The following CCDC47 variants were observed in gnomAD, a reference collection of about 807,000 sequenced individuals.
The protein encoded by CCDC47 is PAT complex subunit CCDC47.
Under a neutral mutation model 60.5 loss-of-function variants are expected in CCDC47, and 41 were observed. The observed-to-expected ratio is 0.68, with a 90% CI of 0.53 to 0.88. The LOEUF is 0.88. Among genes scored for constraint, CCDC47 ranks in the 40% least tolerant of loss-of-function variants. The pLI is 0.00. For missense variants in CCDC47, 513 were observed against 580.9 expected, an observed-to-expected ratio of 0.88 and a Z score of 1.20; for synonymous variants, 195 against 190.7, an observed-to-expected ratio of 1.02 and a Z score of -0.18.
At chr17:63,751,799 A>AGTGTTTT (rs2144471641) in intron 12 of CCDC47, 141 bp downstream of exon 12, 1 of 892,020 alleles carries the variant, frequency 1.1e-6, no homozygotes, top group Non-Finnish European at 1.9e-6. Context: ...TCTTCTTTAT[A>AGTGTTTT]GTGTTATCAA....
At chr17:63,766,818 C>CT (rs1181769857) in intron 1 of CCDC47, 33 of 978,122 alleles carry the variant, frequency 3.4e-5, no homozygotes, top group Admixed American at 1.2e-4. Flanking sequence ...TATTAAAAAG[C>CT]TTTCTATAGA....
intron 6 of CCDC47, among the ~76,000 whole-genome samples, chr17:63,760,080 A>T (rs2039246224): frequency 6.6e-6 from 1 of 151,392 alleles, no homozygotes; most frequent in African/African-American, 2.4e-5. Flanking sequence ...AAAAAAAAAA[A>T]AGAAACAATG....
intron 6 of CCDC47, among the ~76,000 whole-genome samples, chr17:63,759,514 T>C (rs376861734): frequency 8.7e-5 from 1 of 11,462 alleles, no homozygotes; most frequent in African/African-American, 7.3e-4. Flanking sequence ...AAAAAATATA[T>C]ATATATATAT....
chr17:63,762,755 A>G (rs995338333), intron 4 of CCDC47, among the ~76,000 whole-genome samples: 4 of 152,202 alleles, frequency 2.6e-5, no homozygotes, highest in African/African-American at 9.6e-5. Context: ...TCAATTTCTA[A>G]AAGATGAATT....
intron 12 of CCDC47, 32 bp downstream of exon 12, chr17:63,751,908 G>C (rs772046967): frequency 6.2e-7 from 1 of 1,610,676 alleles, no homozygotes; most frequent in South Asian, 1.1e-5. Context: ...CTTACAAATC[G>C]TAGTTTTACC....
At chr17:63,767,984 A>G (rs1598312107) in intron 1 of CCDC47, among the ~76,000 whole-genome samples, 1 of 151,964 alleles carries the variant, frequency 6.6e-6, no homozygotes, top group South Asian at 2.1e-4. Flanking sequence ...AGTTACCCCC[A>G]CCTGCTGAAG....
chr17:63,769,613 C>CAAAA (rs60378449), intron 1 of CCDC47, among the ~76,000 whole-genome samples: 1 of 99,082 alleles, frequency 1.0e-5, no homozygotes, highest in Non-Finnish European at 2.2e-5. Context: ...AACTCCATCT[C>CAAAA]AAAAAAAAAA....
At chr17:63,761,086 C>T (rs1286552275) in intron 5 of CCDC47, 107 bp from the exon 6 acceptor site, 1 of 1,381,734 alleles carries the variant, frequency 7.2e-7, no homozygotes, top group African/African-American at 1.4e-5. Context: ...CTTTACGACA[C>T]ATTTGCCAGT....
At position 63,746,667 on chromosome 17, in the gene CCDC47, C is replaced by T. The variant is rs2144462505; in HGVS notation, c.*214G>A. The T allele has an allele frequency of 2.3e-6, 1 of 431,994 alleles. No homozygotes were observed. The highest frequency in any genetic ancestry group is 3.4e-5 in the East Asian group (1 of 29,572). 26.8% of individuals were successfully genotyped at this position (431,994 alleles called of 1,614,324 possible). On this transcript the variant is annotated 3_prime_UTR_variant, in exon 13 of 13. Transcript: ENST00000225726. Reference sequence around the variant, plus strand: ...AAAATAATCAAAATAATTTGATTATCTGGAAAAAAAAATTCTTGAAACAGA... The same window carrying T: ...AAAATAATCAAAATAATTTGATTATTTGGAAAAAAAAATTCTTGAAACAGA...
intron 6 of CCDC47, among the ~76,000 whole-genome samples, chr17:63,759,530 T>A (rs1172748275): frequency 0.066 from 151 of 2,302 alleles, 40 homozygotes; most frequent in African/African-American, 0.22. Flanking sequence ...TATATATTTA[T>A]ATATATATAT....
rs1397232740 is a variant in CCDC47 at position 63,761,531 on chromosome 17, A to AAAG, written c.548-181_548-180insCTT. ...CCTGTCCCTACTAAAAAAAAAAAAA[A>AAAG]AAAAAATTATAAAAAATTAGCCGGG... On this transcript the variant is annotated intron_variant, in intron 4 of 12. Transcript: ENST00000225726. 791 of 464,648 alleles carry AAAG rather than the reference A, an allele frequency of 1.7e-3. 3 individuals are homozygous for AAAG. Among genetic ancestry groups the AAAG allele is most frequent in the Non-Finnish European group, 2.4e-3 (669 of 277,934 alleles). The allele number at this position is 464,648 out of a possible 1,614,324, so 28.8% of individuals were successfully genotyped here.
In CCDC47 at chr17:63,751,298, G is replaced by A. The variant is rs574780739; in HGVS notation, c.1371+642C>T. 5.8e-3 allele frequency among the ~76,000 whole-genome samples: 826 copies of A among 142,858 alleles called. 5 individuals carry two copies. Among genetic ancestry groups the A allele is most frequent in the African/African-American group, 0.018 (719 of 38,936 alleles). 93.7% of individuals were successfully genotyped at this position (142,858 alleles called of 152,430 possible). ...GGAGAATGGCTTGAACCCGGGAGGC[G>A]GAGACTGCACTGAGCCAATATTGCG... On this transcript the variant is annotated intron_variant, in intron 12 of 12. Coordinates refer to ENST00000225726, the MANE Select transcript of CCDC47 (RefSeq NM_020198.3).
chr17:63,766,031 A>T lies in CCDC47; in HGVS notation c.145T>A (p.Ser49Thr). 6.2e-7 allele frequency: 1 copy of T among 1,614,108 alleles called. No homozygotes were observed. ...ACCCGTTGAGGAGATTCAGTAACAG[A>T]GTCTTCCATGACATCCTCAAATTCA... Reference protein sequence around the residue: ...FAEFEDVMEDSVTESPQRVII... With the variant: ...FAEFEDVMEDTVTESPQRVII... Residue 49 changes from serine to threonine, a missense_variant, in exon 2 of 13, where the codon TCT becomes ACT. Physicochemically the swap from Ser to Thr is moderately conservative, Grantham distance 58 (BLOSUM62 1). Coordinates refer to ENST00000225726, the MANE Select transcript of CCDC47 (RefSeq NM_020198.3).
At chr17:63,772,653 G>A (rs577089849) in intron 1 of CCDC47, 119 of 152,146 alleles carry the variant, frequency 7.8e-4, no homozygotes, top group Admixed American at 7.8e-3. Flanking sequence ...CAAAAGATCC[G>A]ATCATTTCAA....
rs2039177344 is a variant in CCDC47, at chr17:63,752,797, T to C, written c.1037A>G (p.Glu346Gly). The C allele has an allele frequency of 1.9e-6, 3 of 1,610,942 alleles. No homozygotes were observed. Among genetic ancestry groups the C allele is most frequent in the African/African-American group, 1.3e-5 (1 of 74,732 alleles). ...QFSGPKIMQE[E>G]GQPLKLPDTK... ...GTCAGGTAGCTTTAAAGGCTGACCT[T>C]CCCTGTCATAAAAGAAAAGGCAATT... The change falls in exon 10 of 13, where the codon GAA (glutamate) becomes GGA (glycine). Residue 346 changes from glutamate (E) to glycine (G), a missense_variant and splice_region_variant. Coordinates refer to ENST00000225726, the MANE Select transcript of CCDC47 (RefSeq NM_020198.3).
At chr17:63,770,104 C>T (rs2039326594) in intron 1 of CCDC47, among the ~76,000 whole-genome samples, 1 of 151,580 alleles carries the variant, frequency 6.6e-6, no homozygotes, top group African/African-American at 2.4e-5. Flanking sequence ...GGGTTATAGG[C>T]ACTCACCATC....
At chr17:63,765,663 A>T in intron 2 of CCDC47, 1 of 1,265,066 alleles carries the variant, frequency 7.9e-7, no homozygotes, top group Non-Finnish European at 9.9e-7. Flanking sequence ...TAAATAATAC[A>T]ATTCTCACCC....
intron 6 of CCDC47, among the ~76,000 whole-genome samples, chr17:63,757,376 TA>T (rs200173061): frequency 0.35 from 45,539 of 131,440 alleles, 7,656 homozygotes; most frequent in South Asian, 0.59. Flanking sequence ...CAAAAAAAAT[TA>T]AAAAAAAAAA....
intron 8 of CCDC47, 124 bp downstream of exon 8, chr17:63,756,116 T>C (rs2039203732): frequency 7.7e-6 from 5 of 651,240 alleles, no homozygotes; most frequent in South Asian, 1.8e-5. Context: ...TTAATATTTG[T>C]GTGGGAAAGG....
Sources: gnomAD v4.1 joint callset for allele counts (sites outside exome capture counted in the v4.1 genomes callset) on GRCh38, gnomAD v4.1.1 for gene constraint, MANE v1.5 for transcripts, NCBI Gene and HGNC (gene_info 2026-07-23, HGNC 2026-07-21) for gene names.